The following SDK1 variants were observed in gnomAD, a reference collection of about 807,000 sequenced individuals.
SDK1 encodes sidekick cell adhesion molecule 1.
A neutral mutation model predicts 245.5 loss-of-function variants in SDK1; 157 were observed. That is an observed-to-expected ratio of 0.64 (90% confidence interval 0.56 to 0.73). The LOEUF is 0.73. SDK1 is among the 30% of genes least tolerant of loss of function. The pLI is 0.00. For missense variants in SDK1, 3,583 were observed against 3,002.3 expected, an observed-to-expected ratio of 1.19 and a Z score of -4.52; for synonymous variants, 1,647 against 1,278.5, an observed-to-expected ratio of 1.29 and a Z score of -6.15.
chr7:3,544,132 CA>C (rs1405562111), intron 1 of SDK1, among the ~76,000 whole-genome samples: 6 of 152,296 alleles, frequency 3.9e-5, no homozygotes, highest in Admixed American at 3.3e-4. Context: ...CTTATAGCAT[CA>C]ATTTCATTTT....
chr7:3,813,267 C>G (rs1465880565), intron 4 of SDK1, among the ~76,000 whole-genome samples: 1 of 125,900 alleles, frequency 7.9e-6, no homozygotes, highest in Admixed American at 8.4e-5. Context: ...CCCCCTCCCC[C>G]CACCCCACCA....
chr7:3,438,185 G>A (rs1365511957), intron 1 of SDK1, among the ~76,000 whole-genome samples: 1 of 152,062 alleles, frequency 6.6e-6, no homozygotes, highest in Non-Finnish European at 1.5e-5. Flanking sequence ...TTTATTTTAT[G>A]TATCATAGTT....
intron 6 of SDK1, among the ~76,000 whole-genome samples, chr7:3,951,264 G>A (rs1174368565): frequency 6.6e-6 from 1 of 152,106 alleles, no homozygotes; most frequent in Non-Finnish European, 1.5e-5. Context: ...GCTCTGGGTG[G>A]TAGTGGGGGG....
rs1206401316 is a variant in SDK1 at position 3,971,508 on chromosome 7, T to C, written c.1757T>C (p.Ile586Thr). 2.5e-6 allele frequency: 4 copies of C among 1,613,660 alleles called. No homozygotes were observed. In the African/African-American group the frequency reaches 4.0e-5, roughly 16 times the overall value. The change falls in exon 12 of 45, where the codon ATT (isoleucine) becomes ACT (threonine). Residue 586 changes from isoleucine to threonine, a missense_variant. Ile to Thr is a moderately conservative substitution (Grantham distance 89). Coordinates refer to ENST00000404826, the MANE Select transcript of SDK1 (RefSeq NM_152744.4). The stretch of plus-strand genomic sequence containing the variant: ...CACCCTCCTGAGGACCACGTGGTGA[T>C]TAAGGGGACCACGGCCACGCTGCAC... The part of the protein sequence containing the change: ...IVHPPEDHVV[I>T]KGTTATLHCG...
At chr7:3,689,882 G>A (rs1380626006) in intron 4 of SDK1, among the ~76,000 whole-genome samples, 1 of 152,170 alleles carries the variant, frequency 6.6e-6, no homozygotes, top group African/African-American at 2.4e-5. Flanking sequence ...GTTTTATTTA[G>A]AAATGCTTTG....
intron 35 of SDK1, among the ~76,000 whole-genome samples, chr7:4,196,828 C>A (rs1398459867): frequency 6.6e-6 from 1 of 152,212 alleles, no homozygotes; most frequent in Non-Finnish European, 1.5e-5. Context: ...AGTGGAGAAG[C>A]ATTCGGAGAG....
chr7:3,460,806 C>G (rs1780810349), intron 1 of SDK1, among the ~76,000 whole-genome samples: 1 of 152,180 alleles, frequency 6.6e-6, no homozygotes, highest in Non-Finnish European at 1.5e-5. Context: ...TGAAAATCTA[C>G]TTACAGAAAC....
At chr7:3,304,385 G>T (rs1525554) in intron 1 of SDK1, among the ~76,000 whole-genome samples, 27,502 of 152,174 alleles carry the variant, frequency 0.18, 2,480 homozygotes, top group South Asian at 0.22. Context: ...TGAGGCTAAA[G>T]ATGTATAAGC....
At chr7:4,133,864 C>T (rs1283444159) in intron 28 of SDK1, among the ~76,000 whole-genome samples, 1 of 152,136 alleles carries the variant, frequency 6.6e-6, no homozygotes. Flanking sequence ...AGGTGATTTA[C>T]GGTAAAGTTA....
chr7:3,328,523 T>TAC, intron 1 of SDK1, among the ~76,000 whole-genome samples: 1 of 152,152 alleles, frequency 6.6e-6, no homozygotes, highest in South Asian at 2.1e-4. Context: ...CTTATATATA[T>TAC]AAAAAAACTT....
intron 1 of SDK1, among the ~76,000 whole-genome samples, chr7:3,442,030 T>G (rs941989693): frequency 5.9e-5 from 9 of 152,186 alleles, no homozygotes; most frequent in Admixed American, 1.3e-4. Flanking sequence ...AGATGCCAGT[T>G]GACCGTTACG....
intron 1 of SDK1, among the ~76,000 whole-genome samples, chr7:3,318,632 T>C (rs1779721285): frequency 6.6e-6 from 1 of 152,210 alleles, no homozygotes; most frequent in Non-Finnish European, 1.5e-5. Flanking sequence ...TTCCATAGTT[T>C]ATCTTCTCTC....
At chr7:3,792,340 C>G (rs758384138) in intron 4 of SDK1, among the ~76,000 whole-genome samples, 1 of 152,022 alleles carries the variant, frequency 6.6e-6, no homozygotes, top group Admixed American at 6.6e-5. Context: ...TCCCTCTTTG[C>G]TTTCCTCTTC....
intron 16 of SDK1, among the ~76,000 whole-genome samples, chr7:4,014,054 C>G (rs985863983): frequency 2.6e-5 from 4 of 152,262 alleles, no homozygotes; most frequent in Non-Finnish European, 4.4e-5. Flanking sequence ...TCATTCTGCA[C>G]CCATCCACTA....
intron 1 of SDK1, among the ~76,000 whole-genome samples, chr7:3,311,437 G>C (rs1779547439): frequency 6.6e-6 from 1 of 152,116 alleles, no homozygotes; most frequent in Non-Finnish European, 1.5e-5. Context: ...TGAATGGGTA[G>C]GGAGAAAAGA....
rs115419427 is a variant in SDK1 at position 3,465,678 on chromosome 7, C to A, written c.299-153402C>A. Among the ~76,000 whole-genome samples the A allele has an allele frequency of 1.1e-3, 172 of 152,264 alleles. 1 individual carries two copies. Among genetic ancestry groups the A allele is most frequent in the African/African-American group, 3.9e-3 (164 of 41,544 alleles). On this transcript the variant is annotated intron_variant, in intron 1 of 44. Coordinates refer to ENST00000404826, the MANE Select transcript of SDK1 (RefSeq NM_152744.4). ...AAATGACAGAGGTTGGGCCTGTGTT[C>A]TCTTGTCACCTCCGTATATGATCAT...
At chr7:4,207,675 G>A (rs989915271) in intron 36 of SDK1, among the ~76,000 whole-genome samples, 28 of 152,058 alleles carry the variant, frequency 1.8e-4, no homozygotes, top group African/African-American at 5.3e-4. Flanking sequence ...GGGTGGACAC[G>A]GGGCGGCTTC....
At chr7:3,912,306 G>C (rs1206686762) in intron 5 of SDK1, among the ~76,000 whole-genome samples, 1 of 152,166 alleles carries the variant, frequency 6.6e-6, no homozygotes, top group Non-Finnish European at 1.5e-5. Flanking sequence ...ATGCTAATGC[G>C]TGTATTGTGA....
chr7:3,462,365 A>G (rs1013289647), intron 1 of SDK1, among the ~76,000 whole-genome samples: 17 of 152,114 alleles, frequency 1.1e-4, no homozygotes, highest in African/African-American at 3.9e-4. Context: ...TATCATTATA[A>G]TATCATTGTC....
Sources: gnomAD v4.1 joint callset for allele counts (sites outside exome capture counted in the v4.1 genomes callset) on GRCh38, gnomAD v4.1.1 for gene constraint, MANE v1.5 for transcripts, NCBI Gene and HGNC (gene_info 2026-07-23, HGNC 2026-07-21) for gene names.